The following CCDC180 variants were observed in gnomAD, a reference collection of about 807,000 sequenced individuals.
CCDC180 encodes coiled-coil domain-containing protein 180.
A neutral mutation model predicts 209.2 loss-of-function variants in CCDC180; 154 were observed. The ratio of observed to expected loss-of-function variants is 0.74; its 90% confidence interval spans 0.65 to 0.84. The LOEUF (loss-of-function observed/expected upper bound fraction) is 0.84. Ranked by LOEUF, CCDC180 falls within the 40% of genes least tolerant of loss-of-function variation. CCDC180 has a pLI of 0.00. For synonymous variants in CCDC180, 778 were observed against 749.1 expected, an observed-to-expected ratio of 1.04 and a Z score of -0.63; for missense variants, 1,874 against 1,997.3, an observed-to-expected ratio of 0.94 and a Z score of 1.18.
At position 97,326,573 on chromosome 9, in the gene CCDC180, A is replaced by G; in HGVS notation, c.1565A>G (p.Asp522Gly). The G allele has an allele frequency of 6.2e-7, 1 of 1,613,292 alleles. No individual in the cohort carries two copies. The highest frequency in any genetic ancestry group is 8.5e-7 in the Non-Finnish European group (1 of 1,179,232). The change falls in exon 15 of 37, where the codon GAT becomes GGT. Residue 522 changes from aspartate to glycine, a missense_variant. Coordinates refer to ENST00000529487, the MANE Select transcript of CCDC180 (RefSeq NM_020893.6). ...TTCCAGGTGCAGGAGGCCCACCTCG[A>G]TAGGCTCTTGGACCAACTGAGGCAG... The part of the protein sequence containing the change: ...LESQVQEAHL[D>G]RLLDQLRQQS...
chr9:97,313,104 C>A, intron 4 of CCDC180, 132 bp from the exon 5 acceptor site: 1 of 610,704 alleles, frequency 1.6e-6, no homozygotes, highest in South Asian at 1.8e-5. Flanking sequence ...TTTCCTTAAG[C>A]CTCTGCCACC....
intron 31 of CCDC180, among the ~76,000 whole-genome samples, chr9:97,367,062 G>A (rs553292169): frequency 3.8e-4 from 58 of 152,186 alleles, no homozygotes; most frequent in African/African-American, 1.3e-3. Context: ...TGCAATCACC[G>A]CTACCGTCAA....
At position 97,320,138 on chromosome 9, in the gene CCDC180, C is replaced by A; in HGVS notation, c.1092C>A (p.Pro364=). Residue 364 remains proline, a synonymous_variant, in exon 11 of 37, where the codon CCC becomes CCA. Transcript: ENST00000529487. ...KHLCTICDLL[P]PSYSKTQLTE... ...TCTTCCTTCCCAGTGACCTCCTGCC[C>A]CCCAGTTACAGCAAAACTCAGCTGA... 1 of 1,614,094 alleles carries A rather than the reference C, an allele frequency of 6.2e-7. No individual in the cohort carries two copies. The highest frequency in any genetic ancestry group is 8.5e-7 in the Non-Finnish European group (1 of 1,179,990).
chr9:97,369,227 T>C (rs2117964999), intron 31 of CCDC180: 1 of 152,054 alleles, frequency 6.6e-6, no homozygotes, highest in East Asian at 1.9e-4. Flanking sequence ...TAAAGGGATG[T>C]GAATGAAAGA....
At chr9:97,353,860 C>T (rs1354209682) in intron 22 of CCDC180, among the ~76,000 whole-genome samples, 1 of 152,152 alleles carries the variant, frequency 6.6e-6, no homozygotes, top group Non-Finnish European at 1.5e-5. Context: ...ATGTTGTCCT[C>T]TGGATCCAGC....
chr9:97,322,398 T>C (rs1453305259), intron 11 of CCDC180, among the ~76,000 whole-genome samples: 1 of 152,136 alleles, frequency 6.6e-6, no homozygotes, highest in Non-Finnish European at 1.5e-5. Flanking sequence ...TATTATAAGC[T>C]GGGAAACTGA....
intron 26 of CCDC180, among the ~76,000 whole-genome samples, chr9:97,360,486 G>A: frequency 6.6e-6 from 1 of 152,010 alleles, no homozygotes; most frequent in East Asian, 1.9e-4. Flanking sequence ...CCAGACCCCT[G>A]CCTCTTGCCC....
chr9:97,330,261 C>T, intron 17 of CCDC180, 61 bp from the exon 18 acceptor site: 1 of 1,610,336 alleles, frequency 6.2e-7, no homozygotes, highest in South Asian at 1.1e-5. Flanking sequence ...GGTTGGGAGG[C>T]CCAATCCAGG....
At chr9:97,315,639 A>G (rs1009030834) in intron 8 of CCDC180, among the ~76,000 whole-genome samples, 2 of 152,230 alleles carry the variant, frequency 1.3e-5, no homozygotes, top group Non-Finnish European at 2.9e-5. Flanking sequence ...GGTCTTGTGC[A>G]GTGAGCTGAG....
chr9:97,315,665 G>T (rs1017689150), intron 8 of CCDC180, among the ~76,000 whole-genome samples: 8 of 152,348 alleles, frequency 5.3e-5, no homozygotes, highest in African/African-American at 1.9e-4. Flanking sequence ...TGGAAAAGGG[G>T]CCTCCTGGCA....
At chr9:97,320,532 A>G (rs1366606668) in intron 11 of CCDC180, among the ~76,000 whole-genome samples, 1 of 152,172 alleles carries the variant, frequency 6.6e-6, no homozygotes, top group Admixed American at 6.5e-5. Context: ...CATAGTATTG[A>G]TGCCCAGCTC....
rs142372398 is a variant in CCDC180 at position 97,356,491 on chromosome 9, C to A, written c.3265-1136C>A. 2.4e-3 allele frequency among the ~76,000 whole-genome samples: 362 copies of A among 152,318 alleles called. 7 individuals are homozygous for A. In the East Asian group the frequency reaches 0.039, roughly 16 times the overall value. Reference sequence around the variant, plus strand: ...ATATGTGCTAAACTCATGACATAGTCCCTGGAGCATAGTGAATCCTCAGTA... The same window carrying A: ...ATATGTGCTAAACTCATGACATAGTACCTGGAGCATAGTGAATCCTCAGTA... On this transcript the variant is annotated intron_variant, in intron 24 of 36. Coordinates refer to ENST00000529487, the MANE Select transcript of CCDC180 (RefSeq NM_020893.6).
intron 19 of CCDC180, 124 bp from the exon 20 acceptor site, chr9:97,347,190 A>G (rs910515924): frequency 5.6e-6 from 5 of 885,390 alleles, no homozygotes; most frequent in Non-Finnish European, 8.5e-6. Flanking sequence ...AATGAAATGC[A>G]ATGTAGCTGG....
rs2118777833 is a variant in CCDC180 at position 97,343,330 on chromosome 9, G to T, written c.2275-10G>T. The T allele has an allele frequency of 6.4e-7, 1 of 1,559,196 alleles. No homozygotes were observed. The highest frequency in any genetic ancestry group is 8.8e-7 in the Non-Finnish European group (1 of 1,131,008). On this transcript the variant is annotated splice_polypyrimidine_tract_variant and intron_variant, in intron 18 of 36. Transcript: ENST00000529487. The stretch of plus-strand genomic sequence containing the variant: ...ATATCAAGTCAACTTTAGTGTTATT[G>T]CCTGCTTAGGAAGAAGACAAGGAAG...
rs747639035 is a variant in CCDC180, at chr9:97,320,215, G to A, written c.1159+10G>A. On this transcript the variant is annotated intron_variant, in intron 11 of 36. Coordinates refer to ENST00000529487, the MANE Select transcript of CCDC180 (RefSeq NM_020893.6). ...CTGAACAAGGAGCTAGGTGAGTGAC[G>A]TCTGCAGGACTCCACCTGCATTTCT... is the stretch of plus-strand genomic sequence containing the variant. 18 of 1,610,918 alleles carry A rather than the reference G, an allele frequency of 1.1e-5. No homozygotes were observed. Among genetic ancestry groups the A allele is most frequent in the South Asian group, 6.6e-5 (6 of 91,032 alleles).
intron 19 of CCDC180, 82 bp downstream of exon 19, chr9:97,343,645 T>C: frequency 2.0e-6 from 2 of 999,786 alleles, no homozygotes; most frequent in Non-Finnish European, 2.9e-6. Flanking sequence ...AAAAAAGGAT[T>C]GGGCTGGTAT....
chr9:97,344,022 C>G (rs368474031), intron 19 of CCDC180, among the ~76,000 whole-genome samples: 1 of 152,138 alleles, frequency 6.6e-6, no homozygotes, highest in Non-Finnish European at 1.5e-5. Flanking sequence ...CCATGTCCAT[C>G]GCTAGAAGAC....
At chr9:97,350,047 TC>T (rs928350853) in intron 21 of CCDC180, among the ~76,000 whole-genome samples, 3 of 152,078 alleles carry the variant, frequency 2.0e-5, no homozygotes, top group African/African-American at 7.2e-5. Flanking sequence ...ATTTTGAACT[TC>T]CTTCTACTGC....
chr9:97,346,173 G>A (rs1028176909), intron 19 of CCDC180, among the ~76,000 whole-genome samples: 2 of 152,166 alleles, frequency 1.3e-5, no homozygotes, highest in Non-Finnish European at 2.9e-5. Flanking sequence ...AGTTCTCTAT[G>A]TGTCTATCCA....
Sources: allele counts gnomAD v4.1 joint callset (sites outside exome capture counted in the v4.1 genomes callset), GRCh38; gene constraint gnomAD v4.1.1; transcripts MANE v1.5; gene names NCBI Gene and HGNC (gene_info 2026-07-23, HGNC 2026-07-21).